The following CECR2 variants were observed in gnomAD, a reference collection of about 807,000 sequenced individuals.
CECR2 encodes the protein CECR2 histone acetyl-lysine reader.
In CECR2, 30 loss-of-function variants were observed where a neutral mutation model predicts 154.5. The observed-to-expected ratio is 0.19, with a 90% CI of 0.15 to 0.26. CECR2 has a LOEUF of 0.26. Among genes scored for constraint, CECR2 ranks in the 10% least tolerant of loss-of-function variants. The pLI is 1.00. For synonymous variants in CECR2, 725 were observed against 683.7 expected (o/e 1.06, Z -0.94); for missense variants, 1,743 against 1,829.3 (o/e 0.95, Z 0.86).
chr22:17,528,038 A>G (rs968390501), intron 9 of CECR2, among the ~76,000 whole-genome samples: 5 of 152,230 alleles, frequency 3.3e-5, no homozygotes, highest in Admixed American at 2.6e-4. Flanking sequence ...CATAAAATCT[A>G]TTAATCCCAC....
intron 1 of CECR2, among the ~76,000 whole-genome samples, chr22:17,463,779 C>T (rs866051079): frequency 2.6e-5 from 4 of 151,782 alleles, no homozygotes; most frequent in African/African-American, 4.8e-5. Flanking sequence ...CCAGCCTAAT[C>T]GATGGGATTT....
At chr22:17,494,852 G>A (rs1023334828) in intron 2 of CECR2, among the ~76,000 whole-genome samples, 1 of 152,038 alleles carries the variant, frequency 6.6e-6, no homozygotes, top group Non-Finnish European at 1.5e-5. Flanking sequence ...ACGCCACCAC[G>A]CCCGGCTAAT....
intron 1 of CECR2, among the ~76,000 whole-genome samples, chr22:17,386,226 C>T (rs140006708): frequency 5.3e-5 from 8 of 152,128 alleles, no homozygotes; most frequent in Non-Finnish European, 7.4e-5. Flanking sequence ...AAGATGACTT[C>T]GGAGAAGGGA....
At chr22:17,551,594 T>C (rs2056709084) in intron 17 of CECR2, among the ~76,000 whole-genome samples, 1 of 152,074 alleles carries the variant, frequency 6.6e-6, no homozygotes, top group African/African-American at 2.4e-5. Context: ...GAGGATTGCT[T>C]AAGCTCAGGA....
rs1244818301 is a variant in CECR2, at chr22:17,552,966, G to A, written c.*126G>A. 6.7e-6 allele frequency: 10 copies of A among 1,494,472 alleles called. No homozygotes were observed. The highest frequency in any genetic ancestry group is 2.6e-5 in the Admixed American group (1 of 38,972). The allele number at this position is 1,494,472 out of a possible 1,614,324, so 92.6% of individuals were successfully genotyped here. ...TCCACCCCTTCACGGCGACCCACTC[G>A]TGCCATACTTGAGCTGGAGCCAGTC... On this transcript the variant is annotated 3_prime_UTR_variant, in exon 19 of 19. Transcript: ENST00000262608.
chr22:17,482,854 T>A (rs1601433370), intron 2 of CECR2, among the ~76,000 whole-genome samples: 1 of 151,950 alleles, frequency 6.6e-6, no homozygotes, highest in East Asian at 1.9e-4. Flanking sequence ...CTACTTTTTT[T>A]GTATTTTTAG....
intron 2 of CECR2, 142 bp from the exon 3 acceptor site, chr22:17,497,261 G>T: frequency 1.3e-6 from 1 of 782,348 alleles, no homozygotes; most frequent in East Asian, 2.7e-5. Context: ...CTGTGCTCTA[G>T]CCTGGATGAC....
intron 4 of CECR2, among the ~76,000 whole-genome samples, chr22:17,499,876 C>G (rs1307425701): frequency 6.6e-6 from 1 of 152,146 alleles, no homozygotes; most frequent in Non-Finnish European, 1.5e-5. Flanking sequence ...TTTCATCTTG[C>G]ATCATCAGTC....
chr22:17,490,738 C>T (rs901231288), intron 2 of CECR2, among the ~76,000 whole-genome samples: 2 of 152,134 alleles, frequency 1.3e-5, no homozygotes, highest in East Asian at 3.8e-4. Flanking sequence ...CATGAGCCAC[C>T]ATGCCAGGCC....
intron 1 of CECR2, among the ~76,000 whole-genome samples, chr22:17,407,230 T>C (rs369069870): frequency 5.3e-5 from 8 of 152,256 alleles, no homozygotes; most frequent in Non-Finnish European, 1.0e-4. Context: ...TCCTTAGTTA[T>C]TTCAGTATAA....
intron 8 of CECR2, among the ~76,000 whole-genome samples, chr22:17,514,034 C>T (rs2056007674): frequency 6.6e-6 from 1 of 152,166 alleles, no homozygotes; most frequent in Admixed American, 6.5e-5. Context: ...CCCCGATATC[C>T]TGGAGAAACC....
intron 1 of CECR2, among the ~76,000 whole-genome samples, chr22:17,372,536 G>A (rs1200385698): frequency 6.6e-6 from 1 of 151,930 alleles, no homozygotes; most frequent in Non-Finnish European, 1.5e-5. Context: ...GCATGGTGGC[G>A]CGCTCCTGTA....
At chr22:17,420,637 T>G (rs1232177969) in intron 1 of CECR2, among the ~76,000 whole-genome samples, 4 of 152,228 alleles carry the variant, frequency 2.6e-5, no homozygotes, top group Admixed American at 6.5e-5. Context: ...CACTTTGTTG[T>G]GTTGTTTTCA....
intron 2 of CECR2, among the ~76,000 whole-genome samples, chr22:17,488,040 C>T (rs1320776883): frequency 6.6e-6 from 1 of 152,048 alleles, no homozygotes; most frequent in Non-Finnish European, 1.5e-5. Context: ...CACCATCATG[C>T]CCGGCTAATT....
intron 5 of CECR2, among the ~76,000 whole-genome samples, chr22:17,500,984 ATATTGAACAAGAC>A (rs2055727580): frequency 6.6e-6 from 1 of 152,222 alleles, no homozygotes; most frequent in African/African-American, 2.4e-5. Context: ...AATGAGGATT[ATATTGAACAAGAC>A]AGTTTTTTTC....
chr22:17,545,021 C>T (rs2056589342), intron 16 of CECR2, among the ~76,000 whole-genome samples: 1 of 151,818 alleles, frequency 6.6e-6, no homozygotes, highest in Non-Finnish European at 1.5e-5. Flanking sequence ...TGGATACATA[C>T]CTGGATTTAT....
intron 1 of CECR2, among the ~76,000 whole-genome samples, chr22:17,389,701 C>T (rs530403651): frequency 6.6e-6 from 1 of 152,250 alleles, no homozygotes; most frequent in Admixed American, 6.5e-5. Flanking sequence ...GATCTTGGCT[C>T]ACTGCAACCT....
At position 17,456,987 on chromosome 22, in the gene CECR2, T is replaced by A. The variant is rs557689531; in HGVS notation, c.127-20601T>A. Among the ~76,000 whole-genome samples, 4 of 152,386 alleles carry A rather than the reference T, an allele frequency of 2.6e-5. No homozygotes were observed. The East Asian group carries it at 5.8e-4, about 22-fold the overall frequency. On this transcript the variant is annotated intron_variant, in intron 1 of 18. Transcript: ENST00000262608. ...TCTAATCCTTGTTAATCTCATTTGC[T>A]CCCTATCTGGTCAGGTTATTTAATT...
intron 17 of CECR2, among the ~76,000 whole-genome samples, chr22:17,550,799 G>A (rs555655493): frequency 1.2e-4 from 19 of 152,022 alleles, no homozygotes; most frequent in South Asian, 2.1e-4. Context: ...AAAATTAGCC[G>A]GGCGTGGTGG....
Sources: allele counts gnomAD v4.1 joint callset (sites outside exome capture counted in the v4.1 genomes callset), GRCh38; gene constraint gnomAD v4.1.1; transcripts MANE v1.5; gene names NCBI Gene and HGNC (gene_info 2026-07-23, HGNC 2026-07-21).